Variants in RAD54B observed in about 807,000 individuals in gnomAD.
RAD54B encodes the protein DNA repair and recombination protein RAD54B.
RAD54B carries 78 observed loss-of-function variants against 95.8 expected under a neutral mutation model. That is an observed-to-expected ratio of 0.81 (90% CI 0.68 to 0.98). The LOEUF is 0.98. Ranked by LOEUF, RAD54B falls within the 50% of genes least tolerant of loss-of-function variation. The pLI is 0.00. For synonymous variants in RAD54B, 328 were observed against 354.9 expected (o/e 0.92, Z 0.85); for missense variants, 957 against 1,056.6 (o/e 0.91, Z 1.31).
rs71273330 is a variant in RAD54B, at chr8:94,377,545, GAAAAAAAAAAAAAA to G, written c.2515+621_2515+634del. On this transcript the variant is annotated intron_variant, in intron 14 of 14. Coordinates refer to ENST00000336148, the MANE Select transcript of RAD54B (RefSeq NM_012415.3). Reference sequence around the variant, plus strand: ...AGCAACAGAGCCAGACCCTGTCTTGGAAAAAAAAAAAAAAAAAAAAAAAAAAAAAAAAAAAACTC... The same window carrying G: ...AGCAACAGAGCCAGACCCTGTCTTGGAAAAAAAAAAAAAAAAAAAAAACTC... Among the ~76,000 whole-genome samples, 27 of 70,580 alleles carry G rather than the reference GAAAAAAAAAAAAAA, an allele frequency of 3.8e-4. 1 individual carries two copies. The highest frequency in any genetic ancestry group is 1.4e-3 in the African/African-American group (20 of 13,910). 46.3% of individuals were successfully genotyped at this position (70,580 alleles called of 152,430 possible).
chr8:94,428,074 T>G, intron 3 of RAD54B: 1 of 951,204 alleles, frequency 1.1e-6, no homozygotes. Context: ...ACAGCTAGTT[T>G]AGAAAATCAT....
At chr8:94,463,021 C>T (rs183841861) in intron 2 of RAD54B, among the ~76,000 whole-genome samples, 1 of 151,838 alleles carries the variant, frequency 6.6e-6, no homozygotes, top group Admixed American at 6.6e-5. Context: ...ACTGAAAATA[C>T]AAAAATTAGC....
At chr8:94,420,999 A>G (rs1278581305) in intron 3 of RAD54B, among the ~76,000 whole-genome samples, 2 of 152,014 alleles carry the variant, frequency 1.3e-5, no homozygotes, top group South Asian at 2.1e-4. Context: ...AAAAAAAAAA[A>G]AGAGATGTTT....
intron 10 of RAD54B, among the ~76,000 whole-genome samples, chr8:94,390,338 A>G (rs1482093500): frequency 1.3e-5 from 2 of 151,550 alleles, no homozygotes; most frequent in Admixed American, 6.6e-5. Context: ...CGTCTCTACT[A>G]AAAATACAAA....
rs1281206988 is a variant in RAD54B at position 94,391,726 on chromosome 8, A to T, written c.1692T>A (p.Asn564Lys). 1.2e-6 allele frequency: 2 copies of T among 1,613,938 alleles called. No homozygotes were observed. Among genetic ancestry groups the T allele is most frequent in the Non-Finnish European group, 1.7e-6 (2 of 1,180,022 alleles). Residue 564 changes from asparagine to lysine, a missense_variant, in exon 10 of 15, where the codon AAT (asparagine) becomes AAA (lysine). Coordinates refer to ENST00000336148, the MANE Select transcript of RAD54B (RefSeq NM_012415.3). ...GAAGGCAGAACCTGACAACCTGAGA[A>T]TTTAACAGCTTTCGATAAAGCTCAA... ...LQIELYRKLL[N>K]SQVVRFCLQG...
Position 94,378,380 on chromosome 8 carries a change from C to T in RAD54B, c.2315G>A (p.Gly772Asp). 1 of 1,606,746 alleles carries T rather than the reference C, an allele frequency of 6.2e-7. No homozygotes were observed. The highest frequency in any genetic ancestry group is 8.5e-7 in the Non-Finnish European group (1 of 1,176,966). The change falls in exon 14 of 15, where the codon GGT (glycine) becomes GAT (aspartate). Residue 772 changes from glycine to aspartate, a missense_variant and splice_region_variant. Coordinates refer to ENST00000336148, the MANE Select transcript of RAD54B (RefSeq NM_012415.3). The part of the protein sequence containing the change: ...PVHIYRLLTT[G>D]TIEEKIYQRQ... ...TTGATAGATCTTTTCTTCTATTGTA[C>T]CTAAAGAGAAAACATTAATTAGATT...
intron 3 of RAD54B, chr8:94,431,364 G>A: frequency 1.0e-6 from 1 of 984,674 alleles, no homozygotes; most frequent in South Asian, 4.7e-5. Context: ...AAAATAGAGA[G>A]AGAATGGGGG....
chr8:94,404,049 A>G, intron 6 of RAD54B, 28 bp downstream of exon 6: 1 of 1,515,394 alleles, frequency 6.6e-7, no homozygotes, highest in Non-Finnish European at 9.0e-7. Flanking sequence ...AATTCAGATT[A>G]GATTAAACAA....
chr8:94,428,094 C>G (rs1811989533), intron 3 of RAD54B: 7 of 942,490 alleles, frequency 7.4e-6, no homozygotes, highest in Non-Finnish European at 8.8e-6. Context: ...TAAGTTGTAA[C>G]AACATATCCA....
At position 94,462,592 on chromosome 8, in the gene RAD54B, C is replaced by T. The variant is rs1355246035; in HGVS notation, c.136-4156G>A. Among the ~76,000 whole-genome samples the T allele has an allele frequency of 2.0e-5, 3 of 152,248 alleles. No homozygotes were observed. The East Asian group carries it at 5.8e-4, about 29-fold the overall frequency. On this transcript the variant is annotated intron_variant, in intron 2 of 14. Transcript: ENST00000336148. ...AATCAAGTAAACACCACTGAAGTCA[C>T]TAAAGCAATACTTTCTCACTATAGG...
chr8:94,424,544 A>G (rs1811897190), intron 3 of RAD54B, among the ~76,000 whole-genome samples: 1 of 152,224 alleles, frequency 6.6e-6, no homozygotes, highest in African/African-American at 2.4e-5. Flanking sequence ...CGTTGGGAAC[A>G]TGGAATAGTG....
intron 3 of RAD54B, among the ~76,000 whole-genome samples, chr8:94,416,914 C>CA (rs1035068927): frequency 6.6e-6 from 1 of 151,956 alleles, no homozygotes; most frequent in Non-Finnish European, 1.5e-5. Flanking sequence ...CATATGTCCA[C>CA]AAAAAAACTT....
At chr8:94,420,592 A>G (rs1811781222) in intron 3 of RAD54B, among the ~76,000 whole-genome samples, 2 of 152,140 alleles carry the variant, frequency 1.3e-5, no homozygotes, top group Non-Finnish European at 2.9e-5. Context: ...AATCATGGGG[A>G]AAAAACATAG....
chr8:94,399,174 T>G (rs1811210091), intron 8 of RAD54B, among the ~76,000 whole-genome samples: 1 of 152,166 alleles, frequency 6.6e-6, no homozygotes, highest in South Asian at 2.1e-4. Context: ...CAGTCTGATC[T>G]CCTAAATTCC....
chr8:94,383,310 A>C (rs1057115121), intron 11 of RAD54B, among the ~76,000 whole-genome samples: 19 of 137,580 alleles, frequency 1.4e-4, no homozygotes, highest in African/African-American at 4.9e-4. Flanking sequence ...AAAAGCCCCA[A>C]GATGACAGCT....
intron 3 of RAD54B, among the ~76,000 whole-genome samples, chr8:94,418,500 T>C (rs367946436): frequency 1.3e-5 from 2 of 152,218 alleles, no homozygotes; most frequent in South Asian, 4.1e-4. Context: ...TTTCTTTTGA[T>C]GTACAGCTCT....
At chr8:94,464,922 C>T (rs1426758720) in intron 2 of RAD54B, among the ~76,000 whole-genome samples, 2 of 151,896 alleles carry the variant, frequency 1.3e-5, no homozygotes, top group East Asian at 1.9e-4. Flanking sequence ...GGGGAGATGC[C>T]GCACTCTTTT....
Position 94,378,181 on chromosome 8 carries a change from T to C in RAD54B, c.2514A>G (p.Thr838=). 2 of 1,601,936 alleles carry C rather than the reference T, an allele frequency of 1.2e-6. No homozygotes were observed. Among genetic ancestry groups the C allele is most frequent in the Non-Finnish European group, 8.5e-7 (1 of 1,173,700 alleles). Residue 838 remains threonine, a splice_region_variant and synonymous_variant, in exon 14 of 15, where the codon ACA becomes ACG. Transcript: ENST00000336148. The part of the protein sequence containing the change: ...DCECTGEEVH[T]GDSLEKFIVS... ...TAACAGAATTAAAATATAACTAACC[T>C]GTATGAACTTCTTCTCCTGTACACT...
chr8:94,459,358 C>T (rs898159162), intron 2 of RAD54B, among the ~76,000 whole-genome samples: 1 of 151,720 alleles, frequency 6.6e-6, no homozygotes, highest in Admixed American at 6.6e-5. Context: ...CACTATGTTG[C>T]CCAGGCTGGT....
Sources: gnomAD v4.1 joint callset for allele counts (sites outside exome capture counted in the v4.1 genomes callset) on GRCh38, gnomAD v4.1.1 for gene constraint, MANE v1.5 for transcripts, NCBI Gene and HGNC (gene_info 2026-07-23, HGNC 2026-07-21) for gene names.